The following RFXANK variants were observed in gnomAD, a reference collection of about 807,000 sequenced individuals.
The protein encoded by RFXANK is DNA-binding protein RFXANK.
In RFXANK, 19 loss-of-function variants were observed where a neutral mutation model predicts 34.5. The ratio of observed to expected loss-of-function variants is 0.55; its 90% CI spans 0.38 to 0.81. RFXANK has a LOEUF of 0.81. RFXANK is among the 30% of genes least tolerant of loss of function. The pLI is 0.00. For missense variants in RFXANK, 295 were observed against 343.5 expected, an observed-to-expected ratio of 0.86 and a Z score of 1.12; for synonymous variants, 154 against 149.8, an observed-to-expected ratio of 1.03 and a Z score of -0.20.
chr19:19,201,731 C>T lies in RFXANK; in HGVS notation c.*12C>T, dbSNP rs10413280. 4,891 of 1,613,810 alleles carry T rather than the reference C, an allele frequency of 3.0e-3. 141 individuals carry two copies. In the African/African-American group the frequency reaches 0.057, roughly 19 times the overall value. The stretch of plus-strand genomic sequence containing the variant: ...CTGACCCTGAGTGAAGGCCGCCTGC[C>T]GGGGACTCAGACACTCAGGGAACAA... On this transcript the variant is annotated 3_prime_UTR_variant, in exon 10 of 10. Transcript: ENST00000303088.
intron 3 of RFXANK, among the ~76,000 whole-genome samples, chr19:19,195,287 C>A (rs2060580099): frequency 8.5e-6 from 1 of 116,968 alleles, no homozygotes; most frequent in Non-Finnish European, 1.7e-5. Flanking sequence ...CCCCTCCTTT[C>A]CCCTCTCCCC....
intron 3 of RFXANK, among the ~76,000 whole-genome samples, chr19:19,196,409 A>T (rs2060599808): frequency 6.6e-6 from 1 of 151,880 alleles, no homozygotes; most frequent in African/African-American, 2.4e-5. Flanking sequence ...ATATATATAT[A>T]TTTTTAATTT....
chr19:19,193,356 A>AT (rs1250163755), intron 2 of RFXANK, among the ~76,000 whole-genome samples: 1 of 150,536 alleles, frequency 6.6e-6, no homozygotes, highest in African/African-American at 2.5e-5. Flanking sequence ...CGGCCTATAA[A>AT]TTGAGGGATT....
At chr19:19,201,592 C>T (rs1184567528) in intron 9 of RFXANK, 57 bp from the exon 10 acceptor site, 1 of 1,612,528 alleles carries the variant, frequency 6.2e-7, no homozygotes, top group South Asian at 1.1e-5. Flanking sequence ...TTGGCCTGTG[C>T]CTCCACCCCA....
rs377347305 is a variant in RFXANK at position 19,199,199 on chromosome 19, C to T, written c.677C>T (p.Pro226Leu). The T allele has an allele frequency of 1.9e-5, 31 of 1,613,890 alleles. No homozygotes were observed. Among genetic ancestry groups the T allele is most frequent in the Non-Finnish European group, 2.5e-5 (30 of 1,180,016 alleles). The change falls in exon 9 of 10, where the codon CCG becomes CTG. Residue 226 changes from proline to leucine, a missense_variant. Pro to Leu is a moderately conservative substitution (Grantham distance 98). Transcript: ENST00000303088. ...LTTEADSGYT[P>L]MDLAVALGYR... ...ACCGAAGCCGACTCTGGCTACACCC[C>T]GATGGACCTTGCCGTGGCCCTGGGA...
At position 19,200,175 on chromosome 19, in the gene RFXANK, CT is replaced by C. The variant is rs978912398; in HGVS notation, c.712+960del. On this transcript the variant is annotated intron_variant, in intron 9 of 9. Coordinates refer to ENST00000303088, the MANE Select transcript of RFXANK (RefSeq NM_003721.4). Reference sequence around the variant, plus strand: ...ATGCCTGGCTAATTTTTTGTTGTTGCTTTTTTTTTTTTTTTTTTTGGACATG... The same window carrying C: ...ATGCCTGGCTAATTTTTTGTTGTTGCTTTTTTTTTTTTTTTTTTGGACATG... 2.2e-3 allele frequency among the ~76,000 whole-genome samples: 269 copies of C among 120,382 alleles called. 1 individual carries two copies. Among genetic ancestry groups the C allele is most frequent in the East Asian group, 3.4e-3 (14 of 4,136 alleles). The allele number at this position is 120,382 out of a possible 152,430, so 79.0% of individuals were successfully genotyped here.
chr19:19,201,568 G>C (rs1222696572), intron 9 of RFXANK, 81 bp from the exon 10 acceptor site: 3 of 1,609,950 alleles, frequency 1.9e-6, no homozygotes, highest in South Asian at 2.2e-5. Flanking sequence ...TGTCCCCTAA[G>C]GGGAGAGCGC....
In RFXANK at chr19:19,199,156, C is replaced by T. The variant is rs747402973; in HGVS notation, c.634C>T (p.Arg212Ter). ...GCGCCCTCCCCTCTCCTTTGCAGCC[C>T]GAGGCGCTGACCTCACCACCGAAGC... ...HVKCVEALLA[R>*]GADLTTEADS... Residue 212 changes from arginine (R) to a stop codon, truncating the protein, a stop_gained and splice_region_variant, in exon 9 of 10, where the codon CGA becomes TGA. Transcript: ENST00000303088. LOFTEE classifies it high-confidence loss of function. 9.9e-6 allele frequency: 16 copies of T among 1,613,566 alleles called. No individual in the cohort carries two copies. The highest frequency in any genetic ancestry group is 1.6e-4 in the Middle Eastern group (1 of 6,084).
intron 9 of RFXANK, 125 bp from the exon 10 acceptor site, chr19:19,201,524 C>T (rs1295535841): frequency 6.2e-7 from 1 of 1,602,330 alleles, no homozygotes; most frequent in South Asian, 1.1e-5. Context: ...CCCAGCTTTG[C>T]TCTGTAATGC....
chr19:19,192,385 A>C lies in RFXANK; in HGVS notation c.-319A>C. 22 of 539,742 alleles carry C rather than the reference A, an allele frequency of 4.1e-5. No individual in the cohort carries two copies. The highest frequency in any genetic ancestry group is 1.9e-4 in the East Asian group (6 of 31,704). The allele number at this position is 539,742 out of a possible 1,614,324, so 33.4% of individuals were successfully genotyped here. A position where few individuals can be genotyped will look rare whatever the true frequency, so the allele number is the denominator to read the frequency against. ...ACACCCAGGCAGGAGAGGGGGAAGA[A>C]CTCTCTCCCTTTCTGAACCCCCTTT... On this transcript the variant is annotated 5_prime_UTR_variant, in exon 1 of 10. Coordinates refer to ENST00000303088, the MANE Select transcript of RFXANK (RefSeq NM_003721.4).
At chr19:19,201,518 G>A (rs1250684114) in intron 9 of RFXANK, 131 bp from the exon 10 acceptor site, 3 of 1,601,242 alleles carry the variant, frequency 1.9e-6, no homozygotes, top group Non-Finnish European at 2.5e-6. Context: ...GGTTCTCCCA[G>A]CTTTGCTCTG....
intron 8 of RFXANK, 164 bp from the exon 9 acceptor site, chr19:19,198,988 GAC>G: frequency 1.3e-6 from 1 of 780,066 alleles, no homozygotes; most frequent in Non-Finnish European, 2.2e-6. Context: ...CTTCAGTGGA[GAC>G]CAAGATAGCA....
Position 19,199,386 on chromosome 19 carries a change from C to T in RFXANK, c.712+152C>T, listed in dbSNP as rs1029129467. 4 of 795,872 alleles carry T rather than the reference C, an allele frequency of 5.0e-6. No homozygotes were observed. In the African/African-American group the frequency reaches 5.1e-5, roughly 10 times the overall value. The allele number at this position is 795,872 out of a possible 1,614,324, so 49.3% of individuals were successfully genotyped here. Reference sequence around the variant, plus strand: ...CACTGCTGTGTATCCCGCCTGGGAACATCCCAGTCCTGGCTCCTGGGGCTC... The same window carrying T: ...CACTGCTGTGTATCCCGCCTGGGAATATCCCAGTCCTGGCTCCTGGGGCTC... On this transcript the variant is annotated intron_variant, in intron 9 of 9. Coordinates refer to ENST00000303088, the MANE Select transcript of RFXANK (RefSeq NM_003721.4).
rs764499202 is a variant in RFXANK, at chr19:19,193,993, C to T, written c.47C>T (p.Thr16Ile). Reference sequence around the variant, plus strand: ...GAAGACCTCATCCAGACCCAGCAGACCCCTGCCTCAGAACTTGGGGACCCT... The same window carrying T: ...GAAGACCTCATCCAGACCCAGCAGATCCCTGCCTCAGAACTTGGGGACCCT... Reference protein sequence around the residue: ...PAEDLIQTQQTPASELGDPED... With the variant: ...PAEDLIQTQQIPASELGDPED... The change falls in exon 3 of 10, where the codon ACC (threonine) becomes ATC (isoleucine). Residue 16 changes from threonine (T) to isoleucine (I), a missense_variant. Transcript: ENST00000303088. 1.2e-6 allele frequency: 2 copies of T among 1,614,244 alleles called. No homozygotes were observed. Among genetic ancestry groups the T allele is most frequent in the Non-Finnish European group, 1.7e-6 (2 of 1,180,040 alleles).
At chr19:19,196,584 G>T (rs1363753705) in intron 3 of RFXANK, among the ~76,000 whole-genome samples, 1 of 149,008 alleles carries the variant, frequency 6.7e-6, no homozygotes, top group Non-Finnish European at 1.5e-5. Flanking sequence ...AACCCCAATA[G>T]CTGGGTGTGG....
rs372111384 is a variant in RFXANK, at chr19:19,198,201, A to T, written c.533A>T (p.Glu178Val). 14 of 1,614,034 alleles carry T rather than the reference A, an allele frequency of 8.7e-6. No homozygotes were observed. The highest frequency in any genetic ancestry group is 1.0e-5 in the Non-Finnish European group (12 of 1,180,046). Reference protein sequence around the residue: ...GYTDIVGLLLERDVDINIYDW... With the variant: ...GYTDIVGLLLVRDVDINIYDW... The stretch of plus-strand genomic sequence containing the variant: ...ACAGACATTGTGGGGCTGCTGCTGG[A>T]GCGTGACGTGGACATCAACATCTAT... The change falls in exon 7 of 10, where the codon GAG (glutamate) becomes GTG (valine). Residue 178 changes from glutamate (E) to valine (V), a missense_variant. Transcript: ENST00000303088.
chr19:19,196,911 G>A, intron 3 of RFXANK, 52 bp from the exon 4 acceptor site: 1 of 1,482,828 alleles, frequency 6.7e-7, no homozygotes, highest in Non-Finnish European at 9.3e-7. Context: ...CTGTCCTGAA[G>A]CCTCAGAGAC....
chr19:19,194,084 C>T lies in RFXANK; in HGVS notation c.138C>T (p.Thr46=). 1.2e-6 allele frequency: 2 copies of T among 1,614,180 alleles called. No individual in the cohort carries two copies. Among genetic ancestry groups the T allele is most frequent in the Non-Finnish European group, 1.7e-6 (2 of 1,180,038 alleles). The change falls in exon 3 of 10, where the codon ACC becomes ACT. Residue 46 remains threonine, a synonymous_variant. Transcript: ENST00000303088. ...DTVVLSLFPC[T]PEPVNPEPDA... is the part of the protein sequence containing the mutation. Reference sequence around the variant, plus strand: ...TGGTCCTCAGTCTCTTTCCCTGCACCCCTGAGCCTGTGAATCCTGAACCGG... The same window carrying T: ...TGGTCCTCAGTCTCTTTCCCTGCACTCCTGAGCCTGTGAATCCTGAACCGG...
At position 19,198,692 on chromosome 19, in the gene RFXANK, G is replaced by A. The variant is rs2060644160; in HGVS notation, c.600G>A (p.Gly200=). The A allele has an allele frequency of 3.7e-6, 6 of 1,613,824 alleles. No homozygotes were observed. The African/African-American group carries it at 4.0e-5, about 11-fold the overall frequency. ...CGCCACTGCTGTACGCTGTGCGCGG[G>A]AACCACGTGAAATGCGTTGAGGCCT... is the stretch of plus-strand genomic sequence containing the variant. ...GGTPLLYAVR[G]NHVKCVEALL... The change falls in exon 8 of 10, where the codon GGG becomes GGA. Residue 200 remains glycine, a synonymous_variant. Coordinates refer to ENST00000303088, the MANE Select transcript of RFXANK (RefSeq NM_003721.4).
Sources: gnomAD v4.1 joint callset for allele counts (sites outside exome capture counted in the v4.1 genomes callset) on GRCh38, gnomAD v4.1.1 for gene constraint, MANE v1.5 for transcripts, NCBI Gene and HGNC (gene_info 2026-07-23, HGNC 2026-07-21) for gene names.